POGZ: variants seen among roughly 807,000 people sequenced by gnomAD.
POGZ encodes the protein pogo transposable element derived with ZNF domain.
In POGZ, 17 loss-of-function variants were observed where a neutral mutation model predicts 134.6. That is an observed-to-expected ratio of 0.13 (90% CI 0.09 to 0.19). The LOEUF is 0.19. Among genes scored for constraint, POGZ ranks in the 10% least tolerant of loss-of-function variants. POGZ has a pLI of 1.00. For missense variants in POGZ, 1,306 were observed against 1,769.7 expected, an observed-to-expected ratio of 0.74 and a Z score of 4.70; for synonymous variants, 693 against 657.1, an observed-to-expected ratio of 1.05 and a Z score of -0.84.
chr1:151,451,028 G>A (rs924616455), intron 1 of POGZ: 3 of 151,530 alleles, frequency 2.0e-5, no homozygotes, highest in African/African-American at 7.3e-5. Flanking sequence ...CATGACCAGA[G>A]ATGTGGTGAA....
At chr1:151,448,417 G>C (rs1171730284) in intron 1 of POGZ, among the ~76,000 whole-genome samples, 1 of 151,980 alleles carries the variant, frequency 6.6e-6, no homozygotes, top group Non-Finnish European at 1.5e-5. Flanking sequence ...TTCGAGACCA[G>C]CTTGTGCAAC....
At position 151,403,296 on chromosome 1, in the gene POGZ, A is replaced by G. The variant is rs145848446; in HGVS notation, c.*1506T>C. ...CCACCAGGCCCATCACATCTTGAGC[A>G]TTCCCCAGTCTGTGAAAGCCTATTA... On this transcript the variant is annotated 3_prime_UTR_variant, in exon 19 of 19. Transcript: ENST00000271715. The G allele has an allele frequency of 4.8e-5, 47 of 985,718 alleles. No individual in the cohort carries two copies. The African/African-American group carries it at 6.8e-4, about 14-fold the overall frequency. 61.1% of individuals were successfully genotyped at this position (985,718 alleles called of 1,614,324 possible). A position where few individuals can be genotyped will look rare whatever the true frequency, so the allele number is the denominator to read the frequency against.
Position 151,436,255 on chromosome 1 carries a change from G to T in POGZ, c.283+4673C>A, listed in dbSNP as rs763582467. 8.9e-4 allele frequency among the ~76,000 whole-genome samples: 136 copies of T among 152,074 alleles called. 1 individual carries two copies. Among genetic ancestry groups the T allele is most frequent in the Middle Eastern group, 3.2e-3 (1 of 316 alleles). Reference sequence around the variant, plus strand: ...TTACGGGCGTGAGCCACCGCGCCTGGCCTAGATCCAGAACATATTCATCGC... The same window carrying T: ...TTACGGGCGTGAGCCACCGCGCCTGTCCTAGATCCAGAACATATTCATCGC... On this transcript the variant is annotated intron_variant, in intron 3 of 18. Coordinates refer to ENST00000271715, the MANE Select transcript of POGZ (RefSeq NM_015100.4).
Position 151,403,558 on chromosome 1 carries a change from T to C in POGZ, c.*1244A>G, listed in dbSNP as rs997715721. 1 of 985,654 alleles carries C rather than the reference T, an allele frequency of 1.0e-6. No homozygotes were observed. Among genetic ancestry groups the C allele is most frequent in the Non-Finnish European group, 1.2e-6 (1 of 829,776 alleles). 61.1% of individuals were successfully genotyped at this position (985,654 alleles called of 1,614,324 possible). ...GGTTTACAACCATGAGTACATACAATTAAAAAAATCCCTCATGCAAATTGT... is the reference window on the plus strand; with the variant it reads ...GGTTTACAACCATGAGTACATACAACTAAAAAAATCCCTCATGCAAATTGT... On this transcript the variant is annotated 3_prime_UTR_variant, in exon 19 of 19. Transcript: ENST00000271715.
Position 151,407,277 on chromosome 1 carries a change from C to T in POGZ, c.2390G>A (p.Arg797Gln), listed in dbSNP as rs757061511. The change falls in exon 16 of 19, where the codon CGG becomes CAG. Residue 797 changes from arginine (R) to glutamine (Q), a missense_variant. Transcript: ENST00000271715. ...CAAAGCCAAATACTTGGGGCTCTTC[C>T]GTGGAACATGATTGCTGAGAAAGAC... is the stretch of plus-strand genomic sequence containing the variant. ...ANHMINNHVP[R>Q]KSPKYLALFK... The T allele has an allele frequency of 2.1e-5, 34 of 1,609,604 alleles. No homozygotes were observed. The highest frequency in any genetic ancestry group is 2.7e-5 in the African/African-American group (2 of 74,698).
At chr1:151,444,959 C>T (rs1285757745) in intron 1 of POGZ, among the ~76,000 whole-genome samples, 1 of 151,866 alleles carries the variant, frequency 6.6e-6, no homozygotes, top group Non-Finnish European at 1.5e-5. Flanking sequence ...CCCAGGAGTT[C>T]GAGGTTACAG....
At chr1:151,459,044 C>A (rs1373457547) in intron 1 of POGZ, 108 bp downstream of exon 1, 1 of 146,936 alleles carries the variant, frequency 6.8e-6, no homozygotes, top group African/African-American at 2.5e-5. Flanking sequence ...GCGTACCGGC[C>A]CCATCCCCCT....
Position 151,408,682 on chromosome 1 carries a change from C to T in POGZ, c.2061+12G>A, listed in dbSNP as rs977879306. ...TCCCTGGGCCTATAAAAGACACTGG[C>T]AAACTCTTTACCTTGGTGCCTGGTT... On this transcript the variant is annotated intron_variant, in intron 13 of 18. Transcript: ENST00000271715. 1 of 1,612,360 alleles carries T rather than the reference C, an allele frequency of 6.2e-7. No individual in the cohort carries two copies. The highest frequency in any genetic ancestry group is 8.5e-7 in the Non-Finnish European group (1 of 1,179,696).
intron 15 of POGZ, 136 bp downstream of exon 15, chr1:151,407,964 A>C: frequency 1.5e-6 from 1 of 647,604 alleles, no homozygotes; most frequent in Non-Finnish European, 2.6e-6. Context: ...GTGAGCCAAG[A>C]TCATGCTATT....
intron 10 of POGZ, among the ~76,000 whole-genome samples, chr1:151,419,640 G>A (rs1656492053): frequency 8.9e-6 from 1 of 112,510 alleles, no homozygotes; most frequent in Admixed American, 1.3e-4. Context: ...CTGCACTCCA[G>A]CTTGGCTAAC....
intron 3 of POGZ, among the ~76,000 whole-genome samples, chr1:151,437,377 C>T (rs2102344447): frequency 6.6e-6 from 1 of 152,134 alleles, no homozygotes; most frequent in South Asian, 2.1e-4. Context: ...TCTTCTGAGA[C>T]CACAAATTTT....
At chr1:151,420,899 C>G (rs1361257891) in intron 10 of POGZ, among the ~76,000 whole-genome samples, 2 of 151,322 alleles carry the variant, frequency 1.3e-5, no homozygotes, top group Non-Finnish European at 2.9e-5. Flanking sequence ...AGTAGACGCC[C>G]TTTGCCAATG....
chr1:151,458,313 G>A (rs1663013893), intron 1 of POGZ, among the ~76,000 whole-genome samples: 2 of 152,136 alleles, frequency 1.3e-5, no homozygotes, highest in African/African-American at 4.8e-5. Flanking sequence ...GGCGCCCACC[G>A]CGGCAGGACA....
At chr1:151,443,087 G>C (rs1473598311) in intron 1 of POGZ, among the ~76,000 whole-genome samples, 1 of 152,184 alleles carries the variant, frequency 6.6e-6, no homozygotes, top group Admixed American at 6.5e-5. Context: ...TTAGGATGAG[G>C]ACAGTGAGGT....
intron 3 of POGZ, chr1:151,438,860 A>C (rs1211552216): frequency 6.6e-6 from 1 of 152,198 alleles, no homozygotes; most frequent in Non-Finnish European, 1.5e-5. Context: ...GTGGGTGACA[A>C]AGTGAGATCC....
rs1571327878 is a variant in POGZ, at chr1:151,406,361, C to A, written c.2674G>T (p.Ala892Ser). Residue 892 changes from alanine (A) to serine (S), a missense_variant, in exon 19 of 19, where the codon GCC becomes TCC. Physicochemically the swap from Ala to Ser is moderately conservative, Grantham distance 99. Around this residue, in one of 10 missense-constraint regions of POGZ, gnomAD observed 214 missense variants for 255.5 expected, o/e 0.84. Transcript: ENST00000271715. ...NKAATVKSAG[A>S]TPAEPEELLT... is the part of the protein sequence containing the mutation. ...AGCTCTTCAGGCTCAGCTGGGGTGG[C>A]CCCCGCAGATTTCACAGTGGCAGCT... 1 of 1,593,084 alleles carries A rather than the reference C, an allele frequency of 6.3e-7. No individual in the cohort carries two copies. The highest frequency in any genetic ancestry group is 1.8e-5 in the Admixed American group (1 of 56,604).
intron 1 of POGZ, among the ~76,000 whole-genome samples, chr1:151,447,907 T>C (rs1661504244): frequency 6.6e-6 from 1 of 152,104 alleles, no homozygotes; most frequent in East Asian, 1.9e-4. Context: ...TAGCATCGTT[T>C]GATAAAATCT....
chr1:151,408,360 C>A, intron 14 of POGZ, 49 bp downstream of exon 14: 5 of 1,557,510 alleles, frequency 3.2e-6, no homozygotes, highest in Non-Finnish European at 3.5e-6. Flanking sequence ...CAGGAATAAT[C>A]CTGGCCACCC....
At chr1:151,449,768 C>T (rs1430104684) in intron 1 of POGZ, among the ~76,000 whole-genome samples, 2 of 152,044 alleles carry the variant, frequency 1.3e-5, no homozygotes, top group East Asian at 1.9e-4. Flanking sequence ...TGGTGGCGGC[C>T]GCCTGTAATC....
Sources: allele counts gnomAD v4.1 joint callset (sites outside exome capture counted in the v4.1 genomes callset), GRCh38; gene constraint gnomAD v4.1.1; regional missense constraint gnomAD v4.1.1; transcripts MANE v1.5; gene names NCBI Gene and HGNC (gene_info 2026-07-23, HGNC 2026-07-21).